Variants in CNTRL observed in about 807,000 individuals in gnomAD.
The protein encoded by CNTRL is centriolin, also known as 110 kDa centrosomal protein.
CNTRL carries 233 observed loss-of-function variants against 303.7 expected under a neutral mutation model. The observed-to-expected ratio is 0.77, with a 90% CI of 0.69 to 0.86. The LOEUF is 0.86. CNTRL is among the 40% of genes least tolerant of loss of function. The probability of loss-of-function intolerance (pLI) is 0.00; values close to 1 mark genes in which losing one functional copy is unlikely to be tolerated. For missense variants in CNTRL, 2,524 were observed against 2,650.6 expected (o/e 0.95, Z 1.05); for synonymous variants, 900 against 922.2 (o/e 0.98, Z 0.44).
intron 10 of CNTRL, among the ~76,000 whole-genome samples, chr9:121,114,460 G>A (rs1003971471): frequency 6.6e-6 from 1 of 152,168 alleles, no homozygotes; most frequent in Admixed American, 6.5e-5. Context: ...CTTGGTGAAG[G>A]AAGAAAAGAA....
chr9:121,152,352 A>G (rs1202892270), intron 25 of CNTRL, 133 bp from the exon 26 acceptor site: 1 of 664,828 alleles, frequency 1.5e-6, no homozygotes, highest in East Asian at 2.6e-5. Context: ...TTTATACCAA[A>G]GTCTTAGAAT....
chr9:121,098,493 C>T lies in CNTRL; in HGVS notation c.729C>T (p.His243=). 1.2e-6 allele frequency: 2 copies of T among 1,613,812 alleles called. No homozygotes were observed. The highest frequency in any genetic ancestry group is 1.7e-6 in the Non-Finnish European group (2 of 1,179,740). ...LPHYLQFTIF[H]LRSLESLEGQ... ...ATTACCTCCAGTTTACCATTTTCCA[C>T]CTCCGTTCATTGGAAAGTTTGGAAG... The change falls in exon 7 of 44, where the codon CAC becomes CAT. Residue 243 remains histidine (H), a synonymous_variant. Transcript: ENST00000373855.
intron 40 of CNTRL, among the ~76,000 whole-genome samples, chr9:121,172,705 C>G (rs1474972526): frequency 6.6e-6 from 1 of 152,126 alleles, no homozygotes; most frequent in Non-Finnish European, 1.5e-5. Context: ...TTATAAAATT[C>G]CAGCATTAGC....
intron 11 of CNTRL, among the ~76,000 whole-genome samples, chr9:121,117,064 T>A (rs2050009803): frequency 6.6e-6 from 1 of 152,206 alleles, no homozygotes; most frequent in Non-Finnish European, 1.5e-5. Flanking sequence ...TTTAAATGAG[T>A]TAACATTAAC....
chr9:121,135,924 G>T lies in CNTRL; in HGVS notation c.2144G>T (p.Arg715Met). The T allele has an allele frequency of 6.2e-7, 1 of 1,613,682 alleles. No homozygotes were observed. The highest frequency in any genetic ancestry group is 8.5e-7 in the Non-Finnish European group (1 of 1,179,718). ...GAGCTAGAGGCTCGGCTAAACCTAA[G>T]GGATGCTGAAGCCAACCAGCTCAAG... ...EAELEARLNL[R>M]DAEANQLKEE... The change falls in exon 15 of 44, where the codon AGG becomes ATG. Residue 715 changes from arginine (R) to methionine (M), a missense_variant. Transcript: ENST00000373855.
chr9:121,087,790 A>G (rs183494341), intron 2 of CNTRL, among the ~76,000 whole-genome samples: 18 of 152,306 alleles, frequency 1.2e-4, no homozygotes, highest in Non-Finnish European at 2.5e-4. Context: ...ACTAGAAGGG[A>G]CCAATGAGGA....
At chr9:121,095,745 T>G (rs2048864833) in intron 5 of CNTRL, among the ~76,000 whole-genome samples, 1 of 152,184 alleles carries the variant, frequency 6.6e-6, no homozygotes, top group Admixed American at 6.5e-5. Context: ...ATGAAAATAT[T>G]TTCAGCAAAA....
Position 121,168,099 on chromosome 9 carries a change from T to A in CNTRL, c.5848T>A (p.Phe1950Ile). Residue 1950 changes from phenylalanine (F) to isoleucine (I), a missense_variant, in exon 38 of 44, where the codon TTT (phenylalanine) becomes ATT (isoleucine). Coordinates refer to ENST00000373855, the MANE Select transcript of CNTRL (RefSeq NM_007018.6). ...ATCAAGATTATTCTTTATTAAGATGTTTCAGAGACTCCAGAAAGAGAGAGA... is the reference window on the plus strand; with the variant it reads ...ATCAAGATTATTCTTTATTAAGATGATTCAGAGACTCCAGAAAGAGAGAGA... Reference protein sequence around the residue: ...KLKLVQQEMMFQRLQKERESE... With the variant: ...KLKLVQQEMMIQRLQKERESE... The A allele has an allele frequency of 1.2e-6, 2 of 1,610,682 alleles. No homozygotes were observed. Among genetic ancestry groups the A allele is most frequent in the Non-Finnish European group, 1.7e-6 (2 of 1,179,228 alleles).
At chr9:121,102,558 C>T (rs1421093243) in intron 7 of CNTRL, among the ~76,000 whole-genome samples, 6 of 152,102 alleles carry the variant, frequency 3.9e-5, no homozygotes, top group African/African-American at 1.2e-4. Flanking sequence ...GGCAATCAGG[C>T]AGGAGAAAGA....
Position 121,171,160 on chromosome 9 carries a change from CAATT to C in CNTRL, c.6277-244_6277-241del, listed in dbSNP as rs528988267. 6.4e-4 allele frequency: 348 copies of C among 546,352 alleles called. 2 individuals carry two copies. Among genetic ancestry groups the C allele is most frequent in the Middle Eastern group, 6.2e-3 (13 of 2,100 alleles). 33.8% of individuals were successfully genotyped at this position (546,352 alleles called of 1,614,324 possible). A position where few individuals can be genotyped will look rare whatever the true frequency, so the allele number is the denominator to read the frequency against. On this transcript the variant is annotated intron_variant, in intron 39 of 43. Coordinates refer to ENST00000373855, the MANE Select transcript of CNTRL (RefSeq NM_007018.6). The stretch of plus-strand genomic sequence containing the variant: ...GGTATTATTATTCTCATTTTACAGA[CAATT>C]AATGAAGACTCAGAAAGGGATAGTA...
chr9:121,087,522 C>T (rs2048392442), intron 2 of CNTRL, among the ~76,000 whole-genome samples: 1 of 152,118 alleles, frequency 6.6e-6, no homozygotes, highest in Non-Finnish European at 1.5e-5. Context: ...GAAACCCCAT[C>T]TCTACTAAAA....
rs78193083 is a variant in CNTRL, at chr9:121,111,986, C to T, written c.1003-473C>T. Among the ~76,000 whole-genome samples the T allele has an allele frequency of 5.0e-3, 760 of 152,210 alleles. 6 individuals are homozygous for T. The highest frequency in any genetic ancestry group is 0.018 in the African/African-American group (732 of 41,564). ...ACAGTATGACAATTAAAACCAAGCTCTTCTTTTCATCCTTCTCATTCCTCT... is the reference window on the plus strand; with the variant it reads ...ACAGTATGACAATTAAAACCAAGCTTTTCTTTTCATCCTTCTCATTCCTCT... On this transcript the variant is annotated intron_variant, in intron 8 of 43. Coordinates refer to ENST00000373855, the MANE Select transcript of CNTRL (RefSeq NM_007018.6).
rs916905623 is a variant in CNTRL, at chr9:121,134,295, T to A, written c.2026-1511T>A. Reference sequence around the variant, plus strand: ...TAATGTCCTCTAATATCATTATTATTTTTTTTTTTTTTTGAGATGGAGTCT... The same window carrying A: ...TAATGTCCTCTAATATCATTATTATATTTTTTTTTTTTTGAGATGGAGTCT... On this transcript the variant is annotated intron_variant, in intron 14 of 43. Transcript: ENST00000373855. 1.6e-4 allele frequency among the ~76,000 whole-genome samples: 19 copies of A among 117,292 alleles called. No homozygotes were observed. In the South Asian group the frequency reaches 2.7e-3, roughly 17 times the overall value. 76.9% of individuals were successfully genotyped at this position (117,292 alleles called of 152,430 possible).
chr9:121,139,578 A>G (rs1349986754), intron 16 of CNTRL, among the ~76,000 whole-genome samples: 1 of 152,208 alleles, frequency 6.6e-6, no homozygotes, highest in East Asian at 1.9e-4. Flanking sequence ...TGAAGCAAAT[A>G]TCATAAAAGA....
At chr9:121,118,322 T>C in intron 11 of CNTRL, 24 bp from the exon 12 acceptor site, 1 of 1,487,864 alleles carries the variant, frequency 6.7e-7, no homozygotes, top group Non-Finnish European at 9.0e-7. Context: ...CTGTTAATTA[T>C]ATATTGGGGT....
chr9:121,116,062 TA>T (rs961038287), intron 11 of CNTRL, among the ~76,000 whole-genome samples: 35 of 151,706 alleles, frequency 2.3e-4, no homozygotes, highest in Non-Finnish European at 3.4e-4. Flanking sequence ...AATATTTATT[TA>T]AAAAAAAGGA....
chr9:121,098,280 T>C (rs1424956515), intron 6 of CNTRL, 106 bp from the exon 7 acceptor site: 1 of 843,258 alleles, frequency 1.2e-6, no homozygotes, highest in Non-Finnish European at 1.8e-6. Context: ...ATTGGCTTCA[T>C]GAATAGATTC....
At chr9:121,143,812 G>A (rs2051668405) in intron 19 of CNTRL, 91 bp from the exon 20 acceptor site, 1 of 941,462 alleles carries the variant, frequency 1.1e-6, no homozygotes, top group Non-Finnish European at 1.6e-6. Context: ...CTAGGCAGCA[G>A]TGAACAGAGT....
In CNTRL at chr9:121,138,762, G is replaced by A. The variant is rs115022793; in HGVS notation, c.2337+83G>A. ...TCTTTAGTCAGGCACTTAGCAACCT[G>A]CTCTAACATGTAGTAAGCAATTTGA... On this transcript the variant is annotated intron_variant, in intron 16 of 43. Coordinates refer to ENST00000373855, the MANE Select transcript of CNTRL (RefSeq NM_007018.6). 5,223 of 1,408,672 alleles carry A rather than the reference G, an allele frequency of 3.7e-3. 163 individuals are homozygous for A. The African/African-American group carries it at 0.066, about 18-fold the overall frequency. 87.3% of individuals were successfully genotyped at this position (1,408,672 alleles called of 1,614,324 possible).
Sources: allele counts gnomAD v4.1 joint callset (sites outside exome capture counted in the v4.1 genomes callset), GRCh38; gene constraint gnomAD v4.1.1; transcripts MANE v1.5; gene names NCBI Gene and HGNC (gene_info 2026-07-23, HGNC 2026-07-21).